Variants in EBF3 observed in about 807,000 individuals in gnomAD.
EBF3 encodes the protein EBF transcription factor 3.
A neutral mutation model predicts 77.1 loss-of-function variants in EBF3; 18 were observed. The ratio of observed to expected loss-of-function variants is 0.23; its 90% CI spans 0.16 to 0.35. The LOEUF (loss-of-function observed/expected upper bound fraction) is 0.35. EBF3 is among the 10% of genes least tolerant of loss of function. The pLI is 1.00. For synonymous variants in EBF3, 350 were observed against 343.5 expected, an observed-to-expected ratio of 1.02 and a Z score of -0.21; for missense variants, 558 against 860.0, an observed-to-expected ratio of 0.65 and a Z score of 4.39.
chr10:129,856,152 T>C (rs1417510571), intron 10 of EBF3, among the ~76,000 whole-genome samples: 1 of 152,246 alleles, frequency 6.6e-6, no homozygotes, highest in East Asian at 1.9e-4. Context: ...CTCAGTGCGA[T>C]GTGCACAGTA....
intron 4 of EBF3, among the ~76,000 whole-genome samples, chr10:129,959,797 G>A (rs547500934): frequency 2.4e-4 from 37 of 152,040 alleles, no homozygotes; most frequent in Non-Finnish European, 4.0e-4. Flanking sequence ...CGCCCCGCAG[G>A]AGTGCCGGGG....
chr10:129,867,990 C>T, intron 8 of EBF3, 78 bp from the exon 9 acceptor site: 1 of 1,561,418 alleles, frequency 6.4e-7, no homozygotes, highest in Non-Finnish European at 8.7e-7. Context: ...CACCGCGCGT[C>T]CCGCGGCCAC....
At chr10:129,877,473 T>C (rs1852867121) in intron 7 of EBF3, among the ~76,000 whole-genome samples, 1 of 108,750 alleles carries the variant, frequency 9.2e-6, no homozygotes, top group Admixed American at 1.1e-4. Context: ...AGAGCAAGAC[T>C]CTGTCTCCAA....
At chr10:129,914,071 T>G (rs1037675742) in intron 6 of EBF3, among the ~76,000 whole-genome samples, 3 of 152,174 alleles carry the variant, frequency 2.0e-5, no homozygotes, top group African/African-American at 7.2e-5. Context: ...AAGTATGAGA[T>G]CCCAATGTAA....
At chr10:129,917,651 C>CAAAAAAAAAAAAAAAAA (rs71481019) in intron 6 of EBF3, among the ~76,000 whole-genome samples, 7 of 23,598 alleles carry the variant, frequency 3.0e-4, no homozygotes, top group African/African-American at 7.5e-4. Flanking sequence ...GACCCTGCCT[C>CAAAAAAAAAAAAAAAAA]AAAAAAAAAA....
At chr10:129,926,913 G>A (rs573984744) in intron 6 of EBF3, among the ~76,000 whole-genome samples, 30 of 152,298 alleles carry the variant, frequency 2.0e-4, no homozygotes, top group Non-Finnish European at 3.7e-4. Context: ...GCCTGCTCCC[G>A]GGGGACAGGC....
intron 6 of EBF3, among the ~76,000 whole-genome samples, chr10:129,901,055 A>G (rs1351870972): frequency 2.0e-5 from 3 of 152,234 alleles, no homozygotes; most frequent in African/African-American, 7.2e-5. Flanking sequence ...TTTTTCTGGC[A>G]CGCCCTCTGA....
intron 9 of EBF3, 72 bp downstream of exon 9, chr10:129,867,710 A>C: frequency 6.3e-7 from 1 of 1,590,060 alleles, no homozygotes; most frequent in South Asian, 1.1e-5. Flanking sequence ...GTGTCAATAC[A>C]CTATTGACAG....
intron 6 of EBF3, among the ~76,000 whole-genome samples, chr10:129,905,251 G>C (rs1855060648): frequency 6.6e-6 from 1 of 152,210 alleles, no homozygotes; most frequent in South Asian, 2.1e-4. Flanking sequence ...GTGGCAACTA[G>C]GCATGTGGTA....
chr10:129,840,108 C>T, intron 15 of EBF3, 137 bp downstream of exon 15: 1 of 1,116,822 alleles, frequency 9.0e-7, no homozygotes, highest in Non-Finnish European at 1.2e-6. Context: ...GCAGAGGTGG[C>T]ACGCATCAAG....
chr10:129,899,438 G>GCA (rs1434346292), intron 6 of EBF3, among the ~76,000 whole-genome samples: 1 of 152,246 alleles, frequency 6.6e-6, no homozygotes, highest in African/African-American at 2.4e-5. Flanking sequence ...AGGACGGTGA[G>GCA]GCAGAGGCCG....
intron 6 of EBF3, among the ~76,000 whole-genome samples, chr10:129,890,948 T>C (rs902696069): frequency 2.0e-5 from 3 of 152,230 alleles, no homozygotes; most frequent in Non-Finnish European, 2.9e-5. Context: ...AATTTGTTAC[T>C]TGATAGGCCA....
At chr10:129,891,382 G>C (rs944768725) in intron 6 of EBF3, among the ~76,000 whole-genome samples, 2 of 152,030 alleles carry the variant, frequency 1.3e-5, no homozygotes, top group Non-Finnish European at 2.9e-5. Context: ...ACTTCCTCCC[G>C]TGCATGCAGG....
chr10:129,859,497 T>A (rs991539272), intron 10 of EBF3, among the ~76,000 whole-genome samples: 1 of 152,220 alleles, frequency 6.6e-6, no homozygotes, highest in African/African-American at 2.4e-5. Flanking sequence ...AGTGCTGGGA[T>A]TACAGGCATG....
chr10:129,894,127 G>T (rs1002510909), intron 6 of EBF3, among the ~76,000 whole-genome samples: 2 of 152,166 alleles, frequency 1.3e-5, no homozygotes, highest in Non-Finnish European at 2.9e-5. Context: ...AAACTTTTAT[G>T]ATATAGACGT....
intron 6 of EBF3, among the ~76,000 whole-genome samples, chr10:129,922,131 G>C (rs1444075733): frequency 2.6e-5 from 4 of 152,214 alleles, no homozygotes; most frequent in Non-Finnish European, 5.9e-5. Flanking sequence ...GAATTCCCCT[G>C]CTGTAGACAT....
At chr10:129,840,053 C>T (rs1849905288) in intron 15 of EBF3, among the ~76,000 whole-genome samples, 192 bp downstream of exon 15, 1 of 152,258 alleles carries the variant, frequency 6.6e-6, no homozygotes, top group Non-Finnish European at 1.5e-5. Context: ...GGAATCTGGT[C>T]CTTTCTGGGG....
intron 6 of EBF3, among the ~76,000 whole-genome samples, chr10:129,939,417 TTAAAAG>T (rs541740346): frequency 8.1e-4 from 123 of 152,330 alleles, no homozygotes; most frequent in African/African-American, 2.7e-3. Context: ...AACAATCACA[TTAAAAG>T]TTCCCACTGC....
chr10:129,963,180 G>GT lies in EBF3; in HGVS notation c.292-176dup. The GT allele has an allele frequency of 1.7e-6, 2 of 1,156,612 alleles. No homozygotes were observed. The highest frequency in any genetic ancestry group is 2.4e-6 in the Non-Finnish European group (2 of 820,008). The allele number at this position is 1,156,612 out of a possible 1,614,324, so 71.6% of individuals were successfully genotyped here. On this transcript the variant is annotated intron_variant, in intron 2 of 16. Coordinates refer to ENST00000440978, the MANE Select transcript of EBF3 (RefSeq NM_001375380.1). The surrounding 1 kb of genome is among the most constrained non-coding windows in gnomAD (Gnocchi z 7.1). ...AAGCCCAGCGTTCTCCTCGCCCCGA[G>GT]TAAGTCCGAGGGCGCAGAGAAGTTG...
Sources: allele counts gnomAD v4.1 joint callset (sites outside exome capture counted in the v4.1 genomes callset), GRCh38; gene constraint gnomAD v4.1.1; non-coding constraint Gnocchi (gnomAD v3.1); transcripts MANE v1.5; gene names NCBI Gene and HGNC (gene_info 2026-07-23, HGNC 2026-07-21).